Variants in CUX1 observed in about 807,000 individuals in gnomAD.
The protein encoded by CUX1 is protein CASP.
CUX1 carries 31 observed loss-of-function variants against 158.8 expected under a neutral mutation model. The ratio of observed to expected loss-of-function variants is 0.20; its 90% confidence interval spans 0.15 to 0.26. CUX1 has a LOEUF of 0.26. Ranked by LOEUF, CUX1 falls within the 10% of genes least tolerant of loss-of-function variation. The probability of loss-of-function intolerance (pLI) is 1.00; values close to 1 mark genes in which losing one functional copy is unlikely to be tolerated. For missense variants in CUX1, 1,589 were observed against 2,014.6 expected, an observed-to-expected ratio of 0.79 and a Z score of 4.04; for synonymous variants, 879 against 862.1, an observed-to-expected ratio of 1.02 and a Z score of -0.34.
rs571070714 is a variant in CUX1 at position 101,915,320 on chromosome 7, G to A, written c.31-795G>A. ...GGCCAGGGCACAGGTTCTCTGGCGC[G>A]TTGATTATCGGTTTGTTGCGGGGAG... On this transcript the variant is annotated intron_variant, in intron 1 of 23. Coordinates refer to ENST00000292535, the MANE Select transcript of CUX1 (RefSeq NM_181552.4). 7.2e-5 allele frequency among the ~76,000 whole-genome samples: 11 copies of A among 152,266 alleles called. 1 individual carries two copies. The highest frequency in any genetic ancestry group is 2.1e-4 in the South Asian group (1 of 4,816).
At chr7:102,145,073 C>G (rs1834878611) in intron 8 of CUX1, among the ~76,000 whole-genome samples, 1 of 125,664 alleles carries the variant, frequency 8.0e-6, no homozygotes, top group Non-Finnish European at 1.6e-5. Flanking sequence ...GGCGACAGAG[C>G]AAGACTCCGT....
At chr7:102,193,719 C>A (rs1554517558) in intron 12 of CUX1, 123 bp from the exon 13 acceptor site, 6 of 902,004 alleles carry the variant, frequency 6.7e-6, no homozygotes, top group Non-Finnish European at 8.5e-6. Flanking sequence ...GTAGGAGAAT[C>A]GCTTGAACCT....
chr7:101,986,370 G>A, intron 2 of CUX1, among the ~76,000 whole-genome samples: 1 of 152,154 alleles, frequency 6.6e-6, no homozygotes, highest in East Asian at 1.9e-4. Flanking sequence ...AGAATACAAG[G>A]CTCTTTTCCA....
At chr7:102,116,754 T>G (rs1374640593) in intron 8 of CUX1, among the ~76,000 whole-genome samples, 1 of 152,104 alleles carries the variant, frequency 6.6e-6, no homozygotes, top group Non-Finnish European at 1.5e-5. Context: ...GGGCAGTGGC[T>G]CTCTTGGGGT....
intron 1 of CUX1, among the ~76,000 whole-genome samples, chr7:101,860,731 T>TCCTCCCTC (rs1192712723): frequency 4.3e-5 from 6 of 139,456 alleles, no homozygotes; most frequent in African/African-American, 1.6e-4. Context: ...TATCTCCCCT[T>TCCTCCCTC]CCTCCCTTCC....
At chr7:102,182,974 G>C (rs1413608161) in intron 11 of CUX1, among the ~76,000 whole-genome samples, 1 of 152,204 alleles carries the variant, frequency 6.6e-6, no homozygotes, top group African/African-American at 2.4e-5. Context: ...ACATGCGTTA[G>C]AATCACCTAG....
chr7:102,041,513 C>T (rs778267881), intron 3 of CUX1, among the ~76,000 whole-genome samples: 1 of 151,618 alleles, frequency 6.6e-6, no homozygotes, highest in Non-Finnish European at 1.5e-5. Flanking sequence ...CTTGGCCTCC[C>T]GAAATGCTGA....
chr7:102,117,378 A>G (rs1302253385), intron 8 of CUX1, among the ~76,000 whole-genome samples: 1 of 130,106 alleles, frequency 7.7e-6, no homozygotes, highest in African/African-American at 3.1e-5. Flanking sequence ...AGCCTGGGCT[A>G]CAGAGCCAGA....
chr7:102,210,667 G>C (rs914854103), intron 20 of CUX1, among the ~76,000 whole-genome samples: 1 of 152,172 alleles, frequency 6.6e-6, no homozygotes, highest in Admixed American at 6.5e-5. Context: ...GCTCTTTCCT[G>C]GCGTGTTAGG....
intron 14 of CUX1, among the ~76,000 whole-genome samples, chr7:102,266,219 A>G (rs4995422): frequency 5.6e-4 from 82 of 147,698 alleles, no homozygotes; most frequent in East Asian, 3.0e-3. Context: ...AAAAAAAAAA[A>G]AGAGAGAGAG....
chr7:102,025,295 A>C (rs766668947), intron 2 of CUX1, among the ~76,000 whole-genome samples: 6 of 151,992 alleles, frequency 3.9e-5, no homozygotes, highest in Non-Finnish European at 8.8e-5. Context: ...CTGGCGGACT[A>C]TTATTGGTGC....
intron 2 of CUX1, among the ~76,000 whole-genome samples, chr7:102,016,871 A>G (rs1818657980): frequency 6.6e-6 from 1 of 152,224 alleles, no homozygotes. Context: ...AGCAGGGCCT[A>G]AGATCTGGAA....
intron 1 of CUX1, among the ~76,000 whole-genome samples, chr7:101,878,914 C>T (rs1178938357): frequency 6.6e-6 from 1 of 152,136 alleles, no homozygotes. Context: ...TCAGGTGATC[C>T]TCCTGCCTGG....
At chr7:101,928,917 G>A (rs888408546) in intron 2 of CUX1, among the ~76,000 whole-genome samples, 5 of 151,502 alleles carry the variant, frequency 3.3e-5, no homozygotes, top group African/African-American at 7.3e-5. Context: ...TGATCCACCC[G>A]CCTCGGCCTC....
At chr7:102,275,652 G>A (rs2694160) in intron 17 of CUX1, among the ~76,000 whole-genome samples, 39,645 of 151,986 alleles carry the variant, frequency 0.26, 5,521 homozygotes, top group East Asian at 0.5. Context: ...GCTGGGAGGC[G>A]TGGCCTTCAA....
At chr7:102,037,605 G>A (rs1821588355) in intron 3 of CUX1, among the ~76,000 whole-genome samples, 1 of 151,658 alleles carries the variant, frequency 6.6e-6, no homozygotes, top group South Asian at 2.1e-4. Context: ...ACCCACCTCG[G>A]CTTCCCAAAA....
intron 5 of CUX1, among the ~76,000 whole-genome samples, chr7:102,098,885 T>C (rs1235502412): frequency 1.4e-5 from 2 of 138,960 alleles, no homozygotes; most frequent in African/African-American, 5.3e-5. Context: ...GGTCTCGATC[T>C]CCTGACCTCA....
At chr7:102,260,182 C>T (rs577871290), downstream of CUX1, among the ~76,000 whole-genome samples, 1 of 151,518 alleles carries the variant, frequency 6.6e-6, no homozygotes, top group African/African-American at 2.4e-5. Context: ...TCACCACCTC[C>T]TCCTCCCAGG....
intron 1 of CUX1, among the ~76,000 whole-genome samples, chr7:101,914,832 A>T (rs1373457877): frequency 2.0e-5 from 3 of 152,030 alleles, no homozygotes; most frequent in African/African-American, 7.2e-5. Flanking sequence ...GCATGATTTC[A>T]TCCCATCCGG....
Sources: gnomAD v4.1 joint callset for allele counts (sites outside exome capture counted in the v4.1 genomes callset) on GRCh38, gnomAD v4.1.1 for gene constraint, MANE v1.5 for transcripts, NCBI Gene and HGNC (gene_info 2026-07-23, HGNC 2026-07-21) for gene names.